MSI2: variants seen among roughly 807,000 people sequenced by gnomAD.
MSI2 encodes RNA-binding protein Musashi homolog 2.
A neutral mutation model predicts 45.6 loss-of-function variants in MSI2; 17 were observed. The ratio of observed to expected loss-of-function variants is 0.37; its 90% CI spans 0.26 to 0.56. The LOEUF is 0.56. MSI2 is among the 20% of genes least tolerant of loss of function. The pLI is 0.77. For missense variants in MSI2, 293 were observed against 444.2 expected (o/e 0.66, Z 3.06); for synonymous variants, 156 against 158.2 (o/e 0.99, Z 0.11).
At chr17:57,567,185 C>T (rs962157108) in intron 7 of MSI2, among the ~76,000 whole-genome samples, 4 of 152,110 alleles carry the variant, frequency 2.6e-5, no homozygotes, top group South Asian at 2.1e-4. Flanking sequence ...AATATAGGCC[C>T]GGAGTATCGC....
At chr17:57,698,214 T>C in the MSI2 span, among the ~76,000 whole-genome samples, 2 of 152,200 alleles carry the variant, frequency 1.3e-5, no homozygotes, top group East Asian at 3.9e-4. Flanking sequence ...CTCCACCCTC[T>C]CTCTGAGCAG....
chr17:57,363,539 A>G (rs1184295116), intron 5 of MSI2, among the ~76,000 whole-genome samples: 1 of 152,214 alleles, frequency 6.6e-6, no homozygotes, highest in African/African-American at 2.4e-5. Flanking sequence ...GGAGTTCGAG[A>G]CCAGCATGGC....
At chr17:57,339,828 G>C (rs1914984639) in intron 5 of MSI2, among the ~76,000 whole-genome samples, 1 of 152,092 alleles carries the variant, frequency 6.6e-6, no homozygotes, top group Non-Finnish European at 1.5e-5. Context: ...AGCTTCCCAT[G>C]GTCTGTGCTT....
intron 7 of MSI2, among the ~76,000 whole-genome samples, chr17:57,535,374 A>G (rs1351031092): frequency 3.3e-5 from 5 of 152,198 alleles, no homozygotes; most frequent in Non-Finnish European, 4.4e-5. Flanking sequence ...GGAGGTGAGG[A>G]GTCTCTGAAG....
In MSI2 at chr17:57,293,595, G is replaced by GTTTT. The variant is rs71139983; in HGVS notation, c.312+31411_312+31414dup. Among the ~76,000 whole-genome samples, 386 of 134,602 alleles carry GTTTT rather than the reference G, an allele frequency of 2.9e-3. 10 individuals carry two copies. Among genetic ancestry groups the GTTTT allele is most frequent in the East Asian group, 7.8e-3 (37 of 4,738 alleles). The allele number at this position is 134,602 out of a possible 152,430, so 88.3% of individuals were successfully genotyped here. A position where few individuals can be genotyped will look rare whatever the true frequency, so the allele number is the denominator to read the frequency against. The stretch of plus-strand genomic sequence containing the variant: ...GTAATCAGTGCTTTATTGTTTTTTT[G>GTTTT]TTTTTTTTTTTGTTTTTTTTTGTTT... On this transcript the variant is annotated intron_variant, in intron 5 of 13. Coordinates refer to ENST00000284073, the MANE Select transcript of MSI2 (RefSeq NM_138962.4).
chr17:57,609,017 G>A (rs1377788860), intron 8 of MSI2, among the ~76,000 whole-genome samples: 1 of 152,158 alleles, frequency 6.6e-6, no homozygotes, highest in Admixed American at 6.5e-5. Flanking sequence ...GGTCTCTGGA[G>A]GCCAAGCTCA....
chr17:57,370,842 G>T (rs1398731066), intron 5 of MSI2, among the ~76,000 whole-genome samples: 1 of 152,176 alleles, frequency 6.6e-6, no homozygotes, highest in East Asian at 1.9e-4. Flanking sequence ...GACATGAATG[G>T]CCTTATTAGA....
chr17:57,661,344 G>A (rs145076099), intron 11 of MSI2, among the ~76,000 whole-genome samples: 2 of 152,288 alleles, frequency 1.3e-5, no homozygotes, highest in Non-Finnish European at 2.9e-5. Context: ...CATGACACAG[G>A]GCCTGGAGAA....
At chr17:57,691,589 A>G in the MSI2 span, among the ~76,000 whole-genome samples, 10 of 152,166 alleles carry the variant, frequency 6.6e-5, no homozygotes, top group Admixed American at 3.9e-4. Flanking sequence ...GACATAATTC[A>G]TGTTTTTCTG....
chr17:57,433,711 G>T (rs1300506547), intron 6 of MSI2, among the ~76,000 whole-genome samples: 2 of 152,162 alleles, frequency 1.3e-5, no homozygotes, highest in Admixed American at 1.3e-4. Context: ...CCCTAATGCG[G>T]ACCCTCGCTT....
At chr17:57,606,755 C>G (rs1409305122) in intron 8 of MSI2, among the ~76,000 whole-genome samples, 1 of 152,074 alleles carries the variant, frequency 6.6e-6, no homozygotes, top group Non-Finnish European at 1.5e-5. Flanking sequence ...GCAGAGGAAA[C>G]AATGGATGAA....
chr17:57,638,714 A>T (rs1329615807), intron 10 of MSI2, among the ~76,000 whole-genome samples: 1 of 152,048 alleles, frequency 6.6e-6, no homozygotes, highest in African/African-American at 2.4e-5. Flanking sequence ...ACATAGTGAG[A>T]CTCTGTCTCA....
At chr17:57,615,173 G>A (rs1208118704) in intron 8 of MSI2, among the ~76,000 whole-genome samples, 7 of 149,996 alleles carry the variant, frequency 4.7e-5, no homozygotes, top group African/African-American at 1.7e-4. Context: ...TGTCACCCAG[G>A]CTGGAGTGCA....
At chr17:57,580,010 C>T (rs2088158643) in intron 7 of MSI2, among the ~76,000 whole-genome samples, 1 of 151,604 alleles carries the variant, frequency 6.6e-6, no homozygotes, top group Non-Finnish European at 1.5e-5. Flanking sequence ...GGCCTCACCA[C>T]AGGAAACTGG....
chr17:57,648,285 T>C (rs1157169664), intron 10 of MSI2, among the ~76,000 whole-genome samples: 1 of 152,096 alleles, frequency 6.6e-6, no homozygotes, highest in Non-Finnish European at 1.5e-5. Flanking sequence ...GTTACAGGCA[T>C]GAGCCACCGC....
At chr17:57,692,982 G>A in the MSI2 span, among the ~76,000 whole-genome samples, 1 of 146,354 alleles carries the variant, frequency 6.8e-6, no homozygotes, top group Non-Finnish European at 1.5e-5. Context: ...GTGGTTTCAT[G>A]TCTTTCATTA....
chr17:57,498,711 A>T (rs552555399), intron 6 of MSI2, among the ~76,000 whole-genome samples: 2 of 152,232 alleles, frequency 1.3e-5, no homozygotes. Context: ...TGTTGGGGGA[A>T]ATCCCCTAGT....
chr17:57,347,503 T>G (rs1915703043), intron 5 of MSI2, among the ~76,000 whole-genome samples: 1 of 148,598 alleles, frequency 6.7e-6, no homozygotes, highest in Non-Finnish European at 1.5e-5. Context: ...TTCAGACCCC[T>G]TCATGCAGGC....
intron 6 of MSI2, among the ~76,000 whole-genome samples, chr17:57,466,457 G>A (rs1055025818): frequency 3.9e-5 from 6 of 152,126 alleles, no homozygotes; most frequent in Non-Finnish European, 7.4e-5. Flanking sequence ...AAACAGACAC[G>A]GGCTTTTAAA....
Sources: gnomAD v4.1 joint callset for allele counts (sites outside exome capture counted in the v4.1 genomes callset) on GRCh38, gnomAD v4.1.1 for gene constraint, MANE v1.5 for transcripts, NCBI Gene and HGNC (gene_info 2026-07-23, HGNC 2026-07-21) for gene names.